Variants in CDK14 observed in about 807,000 individuals in gnomAD.
The protein encoded by CDK14 is cyclin dependent kinase 14, also known as cyclin-dependent kinase 14.
In CDK14, 34 loss-of-function variants were observed where a neutral mutation model predicts 60.7. The ratio of observed to expected loss-of-function variants is 0.56; its 90% CI spans 0.43 to 0.75. The LOEUF is 0.75. CDK14 is among the 30% of genes least tolerant of loss of function. CDK14 has a pLI of 0.00. For missense variants in CDK14, 482 were observed against 564.1 expected, an observed-to-expected ratio of 0.85 and a Z score of 1.47; for synonymous variants, 197 against 203.7, an observed-to-expected ratio of 0.97 and a Z score of 0.28.
At chr7:90,831,135 A>G (rs1789898294) in intron 5 of CDK14, among the ~76,000 whole-genome samples, 1 of 152,184 alleles carries the variant, frequency 6.6e-6, no homozygotes, top group Admixed American at 6.5e-5. Context: ...CCCCACTCTC[A>G]GTGCCACTTT....
chr7:90,981,726 C>G (rs1795231440), intron 9 of CDK14, among the ~76,000 whole-genome samples: 1 of 151,912 alleles, frequency 6.6e-6, no homozygotes, highest in African/African-American at 2.4e-5. Context: ...TATTAGAATA[C>G]TTGCAAGAAA....
In CDK14 at chr7:90,917,587, T is replaced by C. The variant is rs1353600876; in HGVS notation, c.703-14T>C. The C allele has an allele frequency of 6.2e-7, 1 of 1,610,672 alleles. No individual in the cohort carries two copies. Among genetic ancestry groups the C allele is most frequent in the Non-Finnish European group, 8.5e-7 (1 of 1,177,578 alleles). On this transcript the variant is annotated splice_polypyrimidine_tract_variant and intron_variant, in intron 7 of 14. Transcript: ENST00000380050. ...CTGTGTTCTGATTTTAACCTTTGTC[T>C]CCTTATTTTTCAGTTGTTTTTATTT...
chr7:91,197,128 G>T (rs1426665121), intron 14 of CDK14, among the ~76,000 whole-genome samples: 1 of 152,084 alleles, frequency 6.6e-6, no homozygotes, highest in African/African-American at 2.4e-5. Context: ...GGCCGGGAGT[G>T]GTGGCTCACT....
At chr7:91,009,293 C>T (rs1158964549) in intron 10 of CDK14, among the ~76,000 whole-genome samples, 3 of 152,016 alleles carry the variant, frequency 2.0e-5, no homozygotes, top group Admixed American at 2.0e-4. Context: ...TTTTAGTTTC[C>T]AGTTTTGTTG....
chr7:90,711,381 T>C (rs935563334), intron 2 of CDK14, among the ~76,000 whole-genome samples: 3 of 152,020 alleles, frequency 2.0e-5, no homozygotes, highest in African/African-American at 7.2e-5. Flanking sequence ...ACTTTTTTTT[T>C]CTGTTTGGAA....
intron 2 of CDK14, among the ~76,000 whole-genome samples, chr7:90,702,943 C>T (rs1320987744): frequency 6.6e-6 from 1 of 151,534 alleles, no homozygotes; most frequent in African/African-American, 2.4e-5. Context: ...AAAGCTGGGA[C>T]AAAGTCCCTA....
At chr7:91,194,019 A>G (rs543978893) in intron 14 of CDK14, among the ~76,000 whole-genome samples, 19 of 152,292 alleles carry the variant, frequency 1.2e-4, no homozygotes, top group East Asian at 3.9e-4. Context: ...TGAATCGCCA[A>G]TCTCTAGTAT....
rs562088258 is a variant in CDK14 at position 91,209,349 on chromosome 7, G to C, written c.*2213G>C. ...GCCTCTCAGAAGGTCAGGAGGTTTT[G>C]AGTACCTATCCTTGCCACCCATACA... On this transcript the variant is annotated 3_prime_UTR_variant, in exon 15 of 15. Transcript: ENST00000380050. 1 of 152,214 alleles carries C rather than the reference G, an allele frequency of 6.6e-6. No individual in the cohort carries two copies. The highest frequency in any genetic ancestry group is 2.1e-4 in the South Asian group (1 of 4,814). 9.4% of individuals were successfully genotyped at this position (152,214 alleles called of 1,614,324 possible).
chr7:90,997,882 T>TTC (rs1242755162), intron 10 of CDK14, among the ~76,000 whole-genome samples: 1 of 152,220 alleles, frequency 6.6e-6, no homozygotes, highest in Non-Finnish European at 1.5e-5. Flanking sequence ...TTCAGTGAAC[T>TTC]TCTATTTTGA....
intron 3 of CDK14, among the ~76,000 whole-genome samples, chr7:90,737,089 G>T (rs752161200): frequency 6.6e-6 from 1 of 152,172 alleles, no homozygotes; most frequent in East Asian, 1.9e-4. Context: ...ACTAGTTCCT[G>T]TGTGGTGTTT....
chr7:90,951,885 C>G (rs956142362), intron 8 of CDK14, among the ~76,000 whole-genome samples: 1 of 151,960 alleles, frequency 6.6e-6, no homozygotes, highest in Non-Finnish European at 1.5e-5. Flanking sequence ...GGTCTGAAGC[C>G]CAAAGACAAG....
At chr7:90,832,301 G>A (rs1465531469) in intron 5 of CDK14, among the ~76,000 whole-genome samples, 8 of 152,134 alleles carry the variant, frequency 5.3e-5, no homozygotes, top group Admixed American at 5.2e-4. Context: ...TTCTGTAGAA[G>A]TAATCTTCTG....
rs115969560 is a variant in CDK14 at position 90,758,786 on chromosome 7, T to A, written c.464+11011T>A. ...TAGTGAGAAAGGCCCAGGTACACAG[T>A]GGCTCGTGCCTGCTATCCCAGCACT... On this transcript the variant is annotated intron_variant, in intron 4 of 14. Coordinates refer to ENST00000380050, the MANE Select transcript of CDK14 (RefSeq NM_001287135.2). Among the ~76,000 whole-genome samples the A allele has an allele frequency of 1.0e-2, 1,519 of 152,336 alleles. 24 individuals carry two copies. Among genetic ancestry groups the A allele is most frequent in the African/African-American group, 0.034 (1,394 of 41,568 alleles).
chr7:91,118,036 T>G lies in CDK14; in HGVS notation c.1295-29T>G, dbSNP rs1584086403. ...ATGATTATAAATATCTATAACTATA[T>G]AAATGAAAACTTCATATTCTGTCCA... On this transcript the variant is annotated intron_variant, in intron 13 of 14. Transcript: ENST00000380050. The G allele has an allele frequency of 3.1e-6, 4 of 1,286,746 alleles. No individual in the cohort carries two copies. In the Admixed American group the frequency reaches 7.8e-5, roughly 25 times the overall value. The allele number at this position is 1,286,746 out of a possible 1,614,324, so 79.7% of individuals were successfully genotyped here.
At chr7:91,101,864 CA>C (rs34676555) in intron 12 of CDK14, among the ~76,000 whole-genome samples, 15,633 of 152,172 alleles carry the variant, frequency 0.1, 1,034 homozygotes, top group Non-Finnish European at 0.15. Flanking sequence ...AAAAGTAAGT[CA>C]TTTTTTGAAA....
At chr7:90,643,105 G>A (rs1800378310) in intron 2 of CDK14, among the ~76,000 whole-genome samples, 1 of 152,290 alleles carries the variant, frequency 6.6e-6, no homozygotes, top group East Asian at 1.9e-4. Flanking sequence ...CATAGGAGGG[G>A]AGGTGATATG....
chr7:90,680,279 T>A (rs1408835913), intron 2 of CDK14, among the ~76,000 whole-genome samples: 1 of 152,174 alleles, frequency 6.6e-6, no homozygotes, highest in African/African-American at 2.4e-5. Flanking sequence ...GACAACCTCT[T>A]TGAGATGAAT....
chr7:90,709,707 G>T, intron 2 of CDK14: 1 of 1,484,804 alleles, frequency 6.7e-7, no homozygotes. Flanking sequence ...TGTCCTTTGA[G>T]TTCTTCTCAA....
chr7:90,714,735 T>C (rs1584814103), intron 2 of CDK14, among the ~76,000 whole-genome samples: 1 of 152,088 alleles, frequency 6.6e-6, no homozygotes, highest in Admixed American at 6.6e-5. Flanking sequence ...TGATGGAGTT[T>C]GCATCTAGAT....
Sources: gnomAD v4.1 joint callset for allele counts (sites outside exome capture counted in the v4.1 genomes callset) on GRCh38, gnomAD v4.1.1 for gene constraint, MANE v1.5 for transcripts, NCBI Gene and HGNC (gene_info 2026-07-23, HGNC 2026-07-21) for gene names.